The following THSD7B variants were observed in gnomAD, a reference collection of about 807,000 sequenced individuals.
The protein encoded by THSD7B is thrombospondin type-1 domain-containing protein 7B.
A neutral mutation model predicts 213.6 loss-of-function variants in THSD7B; 138 were observed. That is an observed-to-expected ratio of 0.65 (90% CI 0.56 to 0.74). The LOEUF (loss-of-function observed/expected upper bound fraction) is 0.74. Ranked by LOEUF, THSD7B falls within the 30% of genes least tolerant of loss-of-function variation. THSD7B has a pLI of 0.00. For synonymous variants in THSD7B, 742 were observed against 687.0 expected (o/e 1.08, Z -1.25); for missense variants, 1,931 against 1,991.5 (o/e 0.97, Z 0.58).
At chr2:137,664,499 C>A (rs1320315301) in intron 26 of THSD7B, among the ~76,000 whole-genome samples, 1 of 152,120 alleles carries the variant, frequency 6.6e-6, no homozygotes, top group African/African-American at 2.4e-5. Flanking sequence ...GCTCAGTAAT[C>A]GACTCTTACT....
At chr2:137,467,497 A>G (rs181560767) in intron 15 of THSD7B, among the ~76,000 whole-genome samples, 79 of 152,256 alleles carry the variant, frequency 5.2e-4, no homozygotes, top group South Asian at 1.7e-3. Flanking sequence ...ACACTTTGAG[A>G]TGCTAGTGTG....
chr2:137,307,248 T>G (rs1187375874), intron 12 of THSD7B, among the ~76,000 whole-genome samples: 1 of 152,092 alleles, frequency 6.6e-6, no homozygotes, highest in East Asian at 1.9e-4. Flanking sequence ...GGCCTTATTC[T>G]AACACTTCTG....
intron 1 of THSD7B, among the ~76,000 whole-genome samples, chr2:136,847,756 C>T (rs1683034612): frequency 6.6e-6 from 1 of 152,110 alleles, no homozygotes; most frequent in South Asian, 2.1e-4. Context: ...AGCATGTAAG[C>T]AGAACTTTGT....
At chr2:137,425,913 G>A (rs1687044950) in intron 14 of THSD7B, among the ~76,000 whole-genome samples, 1 of 152,122 alleles carries the variant, frequency 6.6e-6, no homozygotes, top group Non-Finnish European at 1.5e-5. Context: ...TTTGCAGATG[G>A]CTTGATCTCA....
intron 12 of THSD7B, 25 bp from the exon 13 acceptor site, chr2:137,405,585 TAAC>T (rs751560863): frequency 3.2e-6 from 5 of 1,563,404 alleles, no homozygotes; most frequent in Non-Finnish European, 3.5e-6. Context: ...ATCAAAATAA[TAAC>T]AAAAGAATTC....
chr2:137,238,804 C>T (rs1326020081), intron 9 of THSD7B, among the ~76,000 whole-genome samples: 3 of 151,470 alleles, frequency 2.0e-5, no homozygotes, highest in Non-Finnish European at 4.4e-5. Context: ...CCACCCGCCT[C>T]GGCCTCCCAA....
intron 2 of THSD7B, among the ~76,000 whole-genome samples, chr2:136,898,763 C>T (rs1475321812): frequency 6.6e-6 from 1 of 151,838 alleles, no homozygotes; most frequent in Non-Finnish European, 1.5e-5. Context: ...CTGCCTCAGC[C>T]TCCTGAGTAG....
intron 2 of THSD7B, among the ~76,000 whole-genome samples, chr2:136,925,118 CA>C (rs1396960267): frequency 2.6e-5 from 4 of 152,124 alleles, no homozygotes; most frequent in Non-Finnish European, 4.4e-5. Context: ...AGGTCATCTA[CA>C]AGCAGAAATA....
intron 5 of THSD7B, among the ~76,000 whole-genome samples, chr2:137,134,179 C>CGGT (rs1688790363): frequency 6.6e-6 from 1 of 152,134 alleles, no homozygotes; most frequent in Non-Finnish European, 1.5e-5. Flanking sequence ...TTTGGACTGG[C>CGGT]GGTAACTTGT....
At chr2:137,532,760 A>G (rs1277963238) in intron 15 of THSD7B, among the ~76,000 whole-genome samples, 1 of 151,724 alleles carries the variant, frequency 6.6e-6, no homozygotes, top group African/African-American at 2.4e-5. Context: ...AGTTTTTAAT[A>G]ATGAATAATT....
intron 2 of THSD7B, among the ~76,000 whole-genome samples, chr2:137,007,642 G>T (rs1026942186): frequency 2.0e-5 from 3 of 152,064 alleles, no homozygotes; most frequent in African/African-American, 7.2e-5. Flanking sequence ...TGTTGCAAAG[G>T]TACAACACAA....
Position 136,954,443 on chromosome 2 carries a change from G to A in THSD7B, c.139+72126G>A, listed in dbSNP as rs142136520. 5.8e-3 allele frequency among the ~76,000 whole-genome samples: 884 copies of A among 152,240 alleles called. 11 individuals carry two copies. The highest frequency in any genetic ancestry group is 0.02 in the African/African-American group (812 of 41,536). On this transcript the variant is annotated intron_variant, in intron 2 of 27. Transcript: ENST00000409968. ...TGTTTTTAAGAAATTACGGCCGGGCGCGGTGGCTCACACCTGTAATCCCAG... is the reference window on the plus strand; with the variant it reads ...TGTTTTTAAGAAATTACGGCCGGGCACGGTGGCTCACACCTGTAATCCCAG...
rs530654858 is a variant in THSD7B, at chr2:137,645,400, T to C, written c.3945+2767T>C. Among the ~76,000 whole-genome samples, 190 of 152,334 alleles carry C rather than the reference T, an allele frequency of 1.2e-3. 1 individual carries two copies. Among genetic ancestry groups the C allele is most frequent in the Non-Finnish European group, 2.2e-3 (149 of 68,026 alleles). On this transcript the variant is annotated intron_variant, in intron 21 of 27. Coordinates refer to ENST00000409968, the MANE Select transcript of THSD7B (RefSeq NM_001316349.2). ...ACCTGTGCCATTTACAGTCTTTCTC[T>C]TAGAAACCTGGGTCTATTTTCAGGC...
In THSD7B at chr2:137,079,534, A is replaced by G. The variant is rs577851848; in HGVS notation, c.951-15339A>G. Among the ~76,000 whole-genome samples, 21 of 152,284 alleles carry G rather than the reference A, an allele frequency of 1.4e-4. No homozygotes were observed. In the South Asian group the frequency reaches 4.1e-3, roughly 30 times the overall value. On this transcript the variant is annotated intron_variant, in intron 3 of 27. Coordinates refer to ENST00000409968, the MANE Select transcript of THSD7B (RefSeq NM_001316349.2). ...ATTTGTCAGATATTAGGATTGTACA[A>G]CATGCATTCTTCTTGTTTTAATTTG...
chr2:137,334,544 G>T (rs58679634), intron 12 of THSD7B, among the ~76,000 whole-genome samples: 1 of 151,880 alleles, frequency 6.6e-6, no homozygotes, highest in African/African-American at 2.4e-5. Context: ...CTTCATCCTC[G>T]GATTCCTCCA....
intron 17 of THSD7B, among the ~76,000 whole-genome samples, chr2:137,607,004 G>T (rs528178989): frequency 6.6e-6 from 1 of 152,222 alleles, no homozygotes; most frequent in East Asian, 1.9e-4. Context: ...CAGTCTAGGG[G>T]CCTGGCTTGT....
chr2:137,174,247 A>G (rs1289752105), intron 7 of THSD7B, among the ~76,000 whole-genome samples: 1 of 152,138 alleles, frequency 6.6e-6, no homozygotes, highest in African/African-American at 2.4e-5. Context: ...CCAAGTATCT[A>G]TGTCCCATTC....
rs183425853 is a variant in THSD7B, at chr2:137,576,101, T to G, written c.3423+3545T>G. The stretch of plus-strand genomic sequence containing the variant: ...ACATTTGAAGTTGATTAGCCACTTA[T>G]GTATCTGAAACAATATTGGGTTGCC... On this transcript the variant is annotated intron_variant, in intron 17 of 27. Transcript: ENST00000409968. 2.6e-5 allele frequency among the ~76,000 whole-genome samples: 4 copies of G among 152,254 alleles called. No individual in the cohort carries two copies. In the East Asian group the frequency reaches 7.7e-4, roughly 29 times the overall value.
At chr2:137,651,803 A>G (rs1683146262) in intron 21 of THSD7B, among the ~76,000 whole-genome samples, 1 of 151,468 alleles carries the variant, frequency 6.6e-6, no homozygotes, top group South Asian at 2.1e-4. Context: ...TAATTTTTTA[A>G]TTTATTCGTT....
Sources: gnomAD v4.1 joint callset for allele counts (sites outside exome capture counted in the v4.1 genomes callset) on GRCh38, gnomAD v4.1.1 for gene constraint, MANE v1.5 for transcripts, NCBI Gene and HGNC (gene_info 2026-07-23, HGNC 2026-07-21) for gene names.